The following PARD3B variants were observed in gnomAD, a reference collection of about 807,000 sequenced individuals.
The protein encoded by PARD3B is par-3 family cell polarity regulator beta.
A neutral mutation model predicts 130.2 loss-of-function variants in PARD3B; 103 were observed. The observed-to-expected ratio is 0.79, with a 90% confidence interval of 0.67 to 0.93. PARD3B has a LOEUF of 0.93. PARD3B is among the 40% of genes least tolerant of loss of function. PARD3B has a pLI of 0.00. For synonymous variants in PARD3B, 583 were observed against 553.2 expected, an observed-to-expected ratio of 1.05 and a Z score of -0.76; for missense variants, 1,609 against 1,499.2, an observed-to-expected ratio of 1.07 and a Z score of -1.21.
chr2:205,466,774 G>A (rs1411571390), intron 20 of PARD3B, among the ~76,000 whole-genome samples: 3 of 152,302 alleles, frequency 2.0e-5, no homozygotes, highest in African/African-American at 4.8e-5. Context: ...GTGCAGTGGC[G>A]CAATCTCGGC....
At chr2:205,436,530 G>T (rs1299636962) in intron 19 of PARD3B, among the ~76,000 whole-genome samples, 2 of 151,790 alleles carry the variant, frequency 1.3e-5, no homozygotes, top group Non-Finnish European at 2.9e-5. Flanking sequence ...TTCTTTTACT[G>T]TATTTAAGTA....
chr2:204,998,399 T>TAAAGAATTAGAGA (rs1559341725), intron 3 of PARD3B, among the ~76,000 whole-genome samples: 1 of 73,438 alleles, frequency 1.4e-5, no homozygotes, highest in African/African-American at 5.4e-5. Context: ...TATATATGTA[T>TAAAGAATTAGAGA]ATATGTGTAT....
At chr2:205,569,504 TTAAGTAG>T (rs1258957570) in intron 22 of PARD3B, among the ~76,000 whole-genome samples, 1 of 152,214 alleles carries the variant, frequency 6.6e-6, no homozygotes, top group Non-Finnish European at 1.5e-5. Flanking sequence ...CCATGTCATT[TTAAGTAG>T]TAATGTGATT....
At chr2:205,113,423 TATTTTA>T in intron 5 of PARD3B, 62 bp from the exon 6 acceptor site, 2 of 964,548 alleles carry the variant, frequency 2.1e-6, no homozygotes, top group African/African-American at 1.6e-5. Flanking sequence ...TGTGTGTGTG[TATTTTA>T]GATGTGCTCC....
chr2:205,489,569 C>CATATATACATATATATAT (rs753440209), intron 20 of PARD3B, among the ~76,000 whole-genome samples: 2 of 133,770 alleles, frequency 1.5e-5, no homozygotes, highest in African/African-American at 3.2e-5. Context: ...CATATATATA[C>CATATATACATATATATAT]ACACACACAC....
rs750796258 is a variant in PARD3B at position 205,124,368 on chromosome 2, T to C, written c.1207T>C (p.Ser403Pro). The C allele has an allele frequency of 1.6e-5, 26 of 1,598,880 alleles. No individual in the cohort carries two copies. The highest frequency in any genetic ancestry group is 2.2e-5 in the Non-Finnish European group (26 of 1,171,728). The change falls in exon 9 of 23, where the codon TCC becomes CCC. Residue 403 changes from serine (S) to proline (P), a missense_variant. Ser to Pro is a moderately conservative substitution (Grantham distance 74, BLOSUM62 -1). Transcript: ENST00000406610. ...LGFTVVTRDS[S>P]IHGPGPIFVK... ...TTTCACTGTGGTTACCAGAGACTCTTCCATACATGGTCCCGGTCCCATTTT... is the reference window on the plus strand; with the variant it reads ...TTTCACTGTGGTTACCAGAGACTCTCCCATACATGGTCCCGGTCCCATTTT...
At chr2:205,566,992 AC>A (rs1435932066) in intron 22 of PARD3B, among the ~76,000 whole-genome samples, 1 of 152,196 alleles carries the variant, frequency 6.6e-6, no homozygotes, top group Non-Finnish European at 1.5e-5. Flanking sequence ...CGTAGCTCTG[AC>A]TCCATGAAGC....
At chr2:204,563,222 T>TCTCTCTCC (rs2031442706) in intron 1 of PARD3B, among the ~76,000 whole-genome samples, 1 of 85,654 alleles carries the variant, frequency 1.2e-5, no homozygotes. Flanking sequence ...CCGCTGTCTC[T>TCTCTCTCC]CTCTCTCTCT....
chr2:205,004,377 TA>T (rs1695088398), intron 3 of PARD3B, among the ~76,000 whole-genome samples: 1 of 152,240 alleles, frequency 6.6e-6, no homozygotes, highest in Non-Finnish European at 1.5e-5. Context: ...GACCAGGTAT[TA>T]TTTTTTTTAG....
intron 3 of PARD3B, among the ~76,000 whole-genome samples, chr2:205,017,414 C>T (rs1696231627): frequency 6.6e-6 from 1 of 152,110 alleles, no homozygotes; most frequent in Admixed American, 6.6e-5. Flanking sequence ...CCCCCCATTC[C>T]TTTTCTGGTC....
At chr2:204,563,563 T>C (rs2031483022) in intron 1 of PARD3B, among the ~76,000 whole-genome samples, 1 of 152,162 alleles carries the variant, frequency 6.6e-6, no homozygotes, top group Non-Finnish European at 1.5e-5. Flanking sequence ...TCTCTTTATT[T>C]CTTATATTTT....
intron 22 of PARD3B, among the ~76,000 whole-genome samples, chr2:205,557,752 T>A (rs991959877): frequency 6.6e-6 from 1 of 152,218 alleles, no homozygotes; most frequent in African/African-American, 2.4e-5. Flanking sequence ...GCTCTTTTTT[T>A]ATTTTATCTC....
In PARD3B at chr2:205,142,357, A is replaced by G. The variant is rs2033029710; in HGVS notation, c.1435-16365A>G. 6.6e-6 allele frequency among the ~76,000 whole-genome samples: 1 copy of G among 152,192 alleles called. No individual in the cohort carries two copies. The highest frequency in any genetic ancestry group is 2.4e-5 in the African/African-American group (1 of 41,454). ...GTTTAGGTGAGAGGTGTTGAAAACT[A>G]TGATTTTGGTAGATAAGATGAAAGA... is the stretch of plus-strand genomic sequence containing the variant. On this transcript the variant is annotated intron_variant, in intron 10 of 22. Coordinates refer to ENST00000406610, the MANE Select transcript of PARD3B (RefSeq NM_001302769.2). This position sits in a 1 kb window ranked among gnomAD's most constrained non-coding sequence, Gnocchi z 4.3.
intron 22 of PARD3B, among the ~76,000 whole-genome samples, chr2:205,596,455 C>T (rs1026596541): frequency 6.6e-6 from 1 of 152,120 alleles, no homozygotes; most frequent in African/African-American, 2.4e-5. Context: ...CTGTGGGGGG[C>T]CAACAGCAGA....
chr2:205,183,730 T>TTGTGTGTGTGTGTG lies in PARD3B; in HGVS notation c.1925-2003_1925-1990dup, dbSNP rs71410805. On this transcript the variant is annotated intron_variant, in intron 13 of 22. Coordinates refer to ENST00000406610, the MANE Select transcript of PARD3B (RefSeq NM_001302769.2). This position sits in a 1 kb window ranked among gnomAD's most constrained non-coding sequence, Gnocchi z 5.2. ...GGTTCTGCAGAGAAACAGAACCAAGTTGTGTGTGTGTGTGTGTGTGTGTGT... is the reference window on the plus strand; with the variant it reads ...GGTTCTGCAGAGAAACAGAACCAAGTTGTGTGTGTGTGTGTGTGTGTGTGTGTGTGTGTGTGTGT... 2.9e-5 allele frequency among the ~76,000 whole-genome samples: 4 copies of TTGTGTGTGTGTGTG among 138,158 alleles called. No individual in the cohort carries two copies. The highest frequency in any genetic ancestry group is 4.7e-5 in the Non-Finnish European group (3 of 64,182). The allele number at this position is 138,158 out of a possible 152,430, so 90.6% of individuals were successfully genotyped here. A position where few individuals can be genotyped will look rare whatever the true frequency, so the allele number is the denominator to read the frequency against.
chr2:204,948,214 A>T (rs1689487662), intron 2 of PARD3B, among the ~76,000 whole-genome samples: 1 of 152,212 alleles, frequency 6.6e-6, no homozygotes, highest in Admixed American at 6.5e-5. Flanking sequence ...CCCTTTGGCT[A>T]AAGCCTTCCA....
rs10564722 is a variant in PARD3B at position 205,473,735 on chromosome 2, AAT to A, written c.3045-26141_3045-26140del. On this transcript the variant is annotated intron_variant, in intron 20 of 22. Coordinates refer to ENST00000406610, the MANE Select transcript of PARD3B (RefSeq NM_001302769.2). The surrounding 1 kb of genome is among the most constrained non-coding windows in gnomAD (Gnocchi z 4.9). ...ACACACACACGTATATAAAACCCTA[AAT>A]ATATATATATATATATATAACCTTA... Among the ~76,000 whole-genome samples the A allele has an allele frequency of 0.12, 14,913 of 125,482 alleles. 1,457 individuals carry two copies. The highest frequency in any genetic ancestry group is 0.27 in the African/African-American group (9,700 of 36,162). 82.3% of individuals were successfully genotyped at this position (125,482 alleles called of 152,430 possible).
intron 16 of PARD3B, chr2:205,293,419 A>G (rs957246787): frequency 1.3e-5 from 2 of 152,218 alleles, no homozygotes; most frequent in African/African-American, 4.8e-5. Context: ...AATCACCGCA[A>G]TGGTCTGTGT....
chr2:204,827,010 ACT>A (rs910568724), intron 2 of PARD3B, among the ~76,000 whole-genome samples: 10 of 151,798 alleles, frequency 6.6e-5, no homozygotes, highest in Admixed American at 5.9e-4. Context: ...ACAGAGCAAG[ACT>A]CTGTCTCTTC....
Sources: gnomAD v4.1 joint callset for allele counts (sites outside exome capture counted in the v4.1 genomes callset) on GRCh38, gnomAD v4.1.1 for gene constraint, Gnocchi (gnomAD v3.1) non-coding constraint, MANE v1.5 for transcripts, NCBI Gene and HGNC (gene_info 2026-07-23, HGNC 2026-07-21) for gene names.